The following DDX54 variants were observed in gnomAD, a reference collection of about 807,000 sequenced individuals.
DDX54 encodes the protein DEAD-box helicase 54, also known as ATP-dependent RNA helicase DDX54.
DDX54 carries 67 observed loss-of-function variants against 105.5 expected under a neutral mutation model. That is an observed-to-expected ratio of 0.64 (90% CI 0.52 to 0.78). The LOEUF (loss-of-function observed/expected upper bound fraction) is 0.78, where lower values mean the gene tolerates loss of function less well. Ranked by LOEUF, DDX54 falls within the 30% of genes least tolerant of loss-of-function variation. The probability of loss-of-function intolerance (pLI) is 0.00; values close to 1 mark genes in which losing one functional copy is unlikely to be tolerated. For missense variants in DDX54, 1,206 were observed against 1,230.5 expected, an observed-to-expected ratio of 0.98 and a Z score of 0.30; for synonymous variants, 514 against 509.9, an observed-to-expected ratio of 1.01 and a Z score of -0.11.
At position 113,174,453 on chromosome 12, in the gene DDX54, C is replaced by T. The variant is rs565041498; in HGVS notation, c.1068+187G>A. ...AGTGAGCCACGATTGTGCCACTGCA[C>T]TCTAGCCTGGATGGCAGAGCGAGGC... is the stretch of plus-strand genomic sequence containing the variant. On this transcript the variant is annotated intron_variant, in intron 10 of 19. Transcript: ENST00000306014. Among the ~76,000 whole-genome samples, 11 of 152,280 alleles carry T rather than the reference C, an allele frequency of 7.2e-5. No individual in the cohort carries two copies. The South Asian group carries it at 2.3e-3, about 32-fold the overall frequency.
intron 14 of DDX54, 142 bp from the exon 15 acceptor site, chr12:113,164,427 ACC>A (rs1952249309): frequency 9.2e-7 from 1 of 1,086,454 alleles, no homozygotes; most frequent in Non-Finnish European, 1.3e-6. Context: ...AGATAGACAG[ACC>A]CAGACCAGGC....
In DDX54 at chr12:113,168,016, C is replaced by T. The variant is rs1335826715; in HGVS notation, c.1414+1754G>A. The T allele has an allele frequency of 2.1e-5, 10 of 477,418 alleles. 1 individual carries two copies. Among genetic ancestry groups the T allele is most frequent in the Middle Eastern group, 6.6e-4 (2 of 3,020 alleles). 29.6% of individuals were successfully genotyped at this position (477,418 alleles called of 1,614,324 possible). ...AAAATGCTTTGAAATGCCCTTTAGG[C>T]GCCCCTTCCAATTCACCCCTGCGTG... On this transcript the variant is annotated intron_variant, in intron 12 of 19. Transcript: ENST00000306014.
Position 113,165,917 on chromosome 12 carries a change from G to A in DDX54, c.1530C>T (p.Arg510=), listed in dbSNP as rs142134289. 4.1e-5 allele frequency: 66 copies of A among 1,613,786 alleles called. No homozygotes were observed. The Middle Eastern group carries it at 4.0e-3, about 97-fold the overall frequency. Residue 510 remains arginine (R), a synonymous_variant, in exon 13 of 20, where the codon CGC becomes CGT. Coordinates refer to ENST00000306014, the MANE Select transcript of DDX54 (RefSeq NM_024072.4). ...EASLELRGLA[R]VADNAQQQYV... ...ACTGCTGCTGGGCGTTATCAGCAAC[G>A]CGGGCCAGGCCCCGTAGCTCCAGCG...
intron 18 of DDX54, 134 bp from the exon 19 acceptor site, chr12:113,161,516 G>C: frequency 1.5e-6 from 1 of 650,762 alleles, no homozygotes. Context: ...CCAGCACACA[G>C]GTCCCACTTA....
At chr12:113,177,885 T>A (rs1170418966) in intron 5 of DDX54, among the ~76,000 whole-genome samples, 1 of 152,206 alleles carries the variant, frequency 6.6e-6, no homozygotes, top group African/African-American at 2.4e-5. Flanking sequence ...CAGGAGATAC[T>A]ACATCTTATG....
rs752011913 is a variant in DDX54 at position 113,176,828 on chromosome 12, C to G, written c.752+12G>C. 5.4e-5 allele frequency: 87 copies of G among 1,613,724 alleles called. No individual in the cohort carries two copies. The highest frequency in any genetic ancestry group is 7.1e-5 in the Non-Finnish European group (84 of 1,179,858). On this transcript the variant is annotated intron_variant, in intron 7 of 19. Coordinates refer to ENST00000306014, the MANE Select transcript of DDX54 (RefSeq NM_024072.4). Reference sequence around the variant, plus strand: ...CAGACACAAGTGCTCAGGGCTGGACCTGCAGCCTTACCGGTCAGCTTCATC... The same window carrying G: ...CAGACACAAGTGCTCAGGGCTGGACGTGCAGCCTTACCGGTCAGCTTCATC...
Position 113,163,438 on chromosome 12 carries a change from T to C in DDX54, c.1939-164A>G, listed in dbSNP as rs1196376202. Among the ~76,000 whole-genome samples, 2 of 152,160 alleles carry C rather than the reference T, an allele frequency of 1.3e-5. No individual in the cohort carries two copies. The highest frequency in any genetic ancestry group is 3.9e-4 in the East Asian group (2 of 5,192). On this transcript the variant is annotated intron_variant, in intron 15 of 19. Coordinates refer to ENST00000306014, the MANE Select transcript of DDX54 (RefSeq NM_024072.4). The surrounding 1 kb of genome is among the most constrained non-coding windows in gnomAD (Gnocchi z 5.9). ...CTTAGCTGGGTGACAGTGTCTCCTGTGGGACCCTCAGTTTCCTCATCTGCA... is the reference window on the plus strand; with the variant it reads ...CTTAGCTGGGTGACAGTGTCTCCTGCGGGACCCTCAGTTTCCTCATCTGCA...
intron 11 of DDX54, 89 bp downstream of exon 11, chr12:113,172,264 T>A: frequency 7.0e-7 from 1 of 1,421,004 alleles, no homozygotes; most frequent in Non-Finnish European, 9.7e-7. Flanking sequence ...CCACCCCATG[T>A]GCAGTGTCAA....
rs376438071 is a variant in DDX54 at position 113,164,235 on chromosome 12, C to T, written c.1770G>A (p.Met590Ile). 3.8e-6 allele frequency: 6 copies of T among 1,595,492 alleles called. No individual in the cohort carries two copies. The highest frequency in any genetic ancestry group is 1.7e-5 in the Admixed American group (1 of 57,734). The change falls in exon 15 of 20, where the codon ATG becomes ATA. Residue 590 changes from methionine to isoleucine, a missense_variant. By Grantham distance (10) the Met-to-Ile change is conservative. Around this residue, in one of 3 missense-constraint regions of DDX54, gnomAD observed 961 missense variants for 1,019.1 expected, o/e 0.94. Transcript: ENST00000306014. The part of the protein sequence containing the change: ...ASSRDLCSQV[M>I]RAKRQKDRKA... ...TGCGGTCCTTCTGCCGCTTGGCGCGCATCACCTGGCTGCACAGGTCTCGGC... is the reference window on the plus strand; with the variant it reads ...TGCGGTCCTTCTGCCGCTTGGCGCGTATCACCTGGCTGCACAGGTCTCGGC...
chr12:113,165,687 C>T lies in DDX54; in HGVS notation c.1676G>A (p.Arg559Gln), dbSNP rs200999538. The part of the protein sequence containing the change: ...SSRFEEEELQ[R>Q]LRLVDSIKNY... Reference sequence around the variant, plus strand: ...CTTTATGCTGTCCACCAGCCTCAGCCGCTGCAGCTCCTCCTCCTCAAAACG... The same window carrying T: ...CTTTATGCTGTCCACCAGCCTCAGCTGCTGCAGCTCCTCCTCCTCAAAACG... The change falls in exon 14 of 20, where the codon CGG becomes CAG. Residue 559 changes from arginine to glutamine, a missense_variant. Physicochemically the swap from Arg to Gln is conservative, Grantham distance 43. Around this residue, in one of 3 missense-constraint regions of DDX54, gnomAD observed 961 missense variants for 1,019.1 expected, o/e 0.94. Transcript: ENST00000306014. 2.5e-4 allele frequency: 405 copies of T among 1,613,538 alleles called. 1 individual carries two copies. The highest frequency in any genetic ancestry group is 3.1e-4 in the Non-Finnish European group (370 of 1,179,814).
At chr12:113,166,719 C>A (rs7298748) in intron 12 of DDX54, among the ~76,000 whole-genome samples, 6,094 of 151,648 alleles carry the variant, frequency 0.04, 292 homozygotes, top group East Asian at 0.21. Context: ...AACAAAAAAA[C>A]AAAAACAAAA....
At chr12:113,173,626 A>G (rs1228438314) in intron 10 of DDX54, among the ~76,000 whole-genome samples, 1 of 152,218 alleles carries the variant, frequency 6.6e-6, no homozygotes, top group Non-Finnish European at 1.5e-5. Context: ...TGAGCCACTC[A>G]CACATGCTAA....
rs966153200 is a variant in DDX54 at position 113,170,039 on chromosome 12, A to G, written c.1280-135T>C. The G allele has an allele frequency of 1.1e-5, 14 of 1,264,668 alleles. No individual in the cohort carries two copies. The African/African-American group carries it at 2.1e-4, about 19-fold the overall frequency. The allele number at this position is 1,264,668 out of a possible 1,614,324, so 78.3% of individuals were successfully genotyped here. A position where few individuals can be genotyped will look rare whatever the true frequency, so the allele number is the denominator to read the frequency against. On this transcript the variant is annotated intron_variant, in intron 11 of 19. Transcript: ENST00000306014. ...ACACGGCTGCTGTCCCCACCTACGC[A>G]CAGGGAAGTTTAATCCCGGTCCCTA...
In DDX54 at chr12:113,174,653, T is replaced by C. The variant is rs1410226811; in HGVS notation, c.1055A>G (p.Glu352Gly). The change falls in exon 10 of 20, where the codon GAG becomes GGG. Residue 352 changes from glutamate to glycine, a missense_variant. Coordinates refer to ENST00000306014, the MANE Select transcript of DDX54 (RefSeq NM_024072.4). ...GACCCTGCTCACCTCAGTGAGGTACTCGGCGTGGTGCTTCGTGGCCACAAA... is the reference window on the plus strand; with the variant it reads ...GACCCTGCTCACCTCAGTGAGGTACCCGGCGTGGTGCTTCGTGGCCACAAA... The part of the protein sequence containing the change: ...VVFVATKHHA[E>G]YLTELLTTQR... 3.7e-6 allele frequency: 6 copies of C among 1,611,520 alleles called. No individual in the cohort carries two copies. The highest frequency in any genetic ancestry group is 5.1e-6 in the Non-Finnish European group (6 of 1,177,880).
chr12:113,176,710 C>T (rs922789905), intron 7 of DDX54, 130 bp downstream of exon 7: 3 of 931,408 alleles, frequency 3.2e-6, no homozygotes, highest in African/African-American at 3.3e-5. Context: ...CTGCAGCCCA[C>T]ATCTGGGAAG....
Position 113,165,649 on chromosome 12 carries a change from G to C in DDX54, c.1714C>G (p.Arg572Gly), listed in dbSNP as rs774907322. The C allele has an allele frequency of 6.2e-7, 1 of 1,608,732 alleles. No homozygotes were observed. The highest frequency in any genetic ancestry group is 1.1e-5 in the South Asian group (1 of 90,560). Residue 572 changes from arginine to glycine, a missense_variant, in exon 14 of 20, where the codon CGG (arginine) becomes GGG (glycine). Transcript: ENST00000306014. ...CTCCACCCGGCCCCACTCACCGCCC[G>C]GGAGCGGTAGTTCTTTATGCTGTCC... Reference protein sequence around the residue: ...LVDSIKNYRSRATIFEINASS... With the variant: ...LVDSIKNYRSGATIFEINASS...
Position 113,163,988 on chromosome 12 carries a change from G to C in DDX54, c.1938+79C>G. ...TCCATCCACTGCTCAAAGATCCTAGGACAGCCTCATGGGCTGCTGGGACTT... is the reference window on the plus strand; with the variant it reads ...TCCATCCACTGCTCAAAGATCCTAGCACAGCCTCATGGGCTGCTGGGACTT... On this transcript the variant is annotated intron_variant, in intron 15 of 19. Transcript: ENST00000306014. This position sits in a 1 kb window ranked among gnomAD's most constrained non-coding sequence, Gnocchi z 5.9. 6.8e-7 allele frequency: 1 copy of C among 1,470,632 alleles called. No homozygotes were observed. The highest frequency in any genetic ancestry group is 1.4e-5 in the South Asian group (1 of 71,994). The allele number at this position is 1,470,632 out of a possible 1,614,324, so 91.1% of individuals were successfully genotyped here.
At chr12:113,179,451 T>C in intron 3 of DDX54, 120 bp from the exon 4 acceptor site, 3 of 1,141,098 alleles carry the variant, frequency 2.6e-6, no homozygotes, top group Non-Finnish European at 3.7e-6. Context: ...CAGGCACCCG[T>C]CACCCAGCCC....
chr12:113,157,409 G>T lies in DDX54; in HGVS notation c.*1468C>A. Reference sequence around the variant, plus strand: ...TGCTCACGCAGCAGTTGGGAAGGTTGGCCTGAGGCTTTCAAAACCCAGAAC... The same window carrying T: ...TGCTCACGCAGCAGTTGGGAAGGTTTGCCTGAGGCTTTCAAAACCCAGAAC... On this transcript the variant is annotated 3_prime_UTR_variant, in exon 20 of 20. Transcript: ENST00000306014. The T allele has an allele frequency of 1.7e-6, 1 of 594,082 alleles. No individual in the cohort carries two copies. The highest frequency in any genetic ancestry group is 3.0e-6 in the Non-Finnish European group (1 of 331,660). The allele number at this position is 594,082 out of a possible 1,614,324, so 36.8% of individuals were successfully genotyped here. A position where few individuals can be genotyped will look rare whatever the true frequency, so the allele number is the denominator to read the frequency against.
Sources: allele counts gnomAD v4.1 joint callset (sites outside exome capture counted in the v4.1 genomes callset), GRCh38; gene constraint gnomAD v4.1.1; regional missense constraint gnomAD v4.1.1; non-coding constraint Gnocchi (gnomAD v3.1); transcripts MANE v1.5; gene names NCBI Gene and HGNC (gene_info 2026-07-23, HGNC 2026-07-21).